The following RHBDL2 variants were observed in gnomAD, a reference collection of about 807,000 sequenced individuals.
RHBDL2 encodes the protein rhomboid-related protein 2.
RHBDL2 carries 26 observed loss-of-function variants against 31.7 expected under a neutral mutation model. The ratio of observed to expected loss-of-function variants is 0.82; its 90% confidence interval spans 0.60 to 1.14. The LOEUF (loss-of-function observed/expected upper bound fraction) is 1.14. Ranked by LOEUF, RHBDL2 falls within the 50% of genes most tolerant of loss-of-function variation. The probability of loss-of-function intolerance (pLI) is 0.00; values close to 1 mark genes in which losing one functional copy is unlikely to be tolerated. For synonymous variants in RHBDL2, 123 were observed against 127.2 expected (o/e 0.97, Z 0.22); for missense variants, 336 against 364.4 (o/e 0.92, Z 0.63).
intron 1 of RHBDL2, among the ~76,000 whole-genome samples, chr1:38,925,423 A>G (rs1643363936): frequency 1.3e-5 from 2 of 151,798 alleles, no homozygotes; most frequent in Non-Finnish European, 2.9e-5. Context: ...TCTTGAACCC[A>G]GGAGGTGGAG....
At chr1:38,934,766 G>T (rs1172934826) in intron 1 of RHBDL2, among the ~76,000 whole-genome samples, 1 of 151,524 alleles carries the variant, frequency 6.6e-6, no homozygotes, top group Non-Finnish European at 1.5e-5. Context: ...GACCAGCCTG[G>T]CCAACACAGT....
chr1:38,902,672 G>A (rs149156948), intron 4 of RHBDL2, among the ~76,000 whole-genome samples: 3,079 of 151,538 alleles, frequency 0.02, 100 homozygotes, highest in African/African-American at 0.071. Context: ...CGCCCACCTC[G>A]GCCTCCCCAA....
chr1:38,909,825 T>G (rs955405027), intron 4 of RHBDL2, among the ~76,000 whole-genome samples: 2 of 152,186 alleles, frequency 1.3e-5, no homozygotes, highest in African/African-American at 4.8e-5. Context: ...ACTGTGCCTT[T>G]GGACATTTAT....
At chr1:38,887,617 G>T (rs1050328464) in intron 7 of RHBDL2, among the ~76,000 whole-genome samples, 1 of 152,030 alleles carries the variant, frequency 6.6e-6, no homozygotes, top group Non-Finnish European at 1.5e-5. Context: ...TAGAGACGGG[G>T]TTTCATCATA....
At chr1:38,920,684 G>A (rs1278299806) in intron 1 of RHBDL2, among the ~76,000 whole-genome samples, 1 of 146,970 alleles carries the variant, frequency 6.8e-6, no homozygotes, top group Non-Finnish European at 1.5e-5. Flanking sequence ...TCGGCTCACT[G>A]CAACCTCCGC....
chr1:38,888,028 G>A lies in RHBDL2; in HGVS notation c.671-4C>T. 3 of 1,610,026 alleles carry A rather than the reference G, an allele frequency of 1.9e-6. No homozygotes were observed. The highest frequency in any genetic ancestry group is 2.5e-6 in the Non-Finnish European group (3 of 1,176,978). ...GCAAATCCCATGTCCAACACAACTA[G>A]AAGGAAAAACACCCTGATAAAGGCT... is the stretch of plus-strand genomic sequence containing the variant. On this transcript the variant is annotated splice_region_variant and splice_polypyrimidine_tract_variant and intron_variant, in intron 6 of 7. Coordinates refer to ENST00000372990, the MANE Select transcript of RHBDL2 (RefSeq NM_017821.5).
chr1:38,925,634 T>G (rs1223644804), intron 1 of RHBDL2, among the ~76,000 whole-genome samples: 1 of 152,196 alleles, frequency 6.6e-6, no homozygotes, highest in Non-Finnish European at 1.5e-5. Context: ...ATCAGGGATC[T>G]TAGACACCAC....
chr1:38,929,280 G>T (rs1015297273), intron 1 of RHBDL2: 2 of 625,170 alleles, frequency 3.2e-6, no homozygotes, highest in Non-Finnish European at 4.9e-6. Context: ...AGAAGATGGG[G>T]CTGGGAATTC....
At chr1:38,915,495 A>T (rs922839367) in intron 3 of RHBDL2, 67 bp downstream of exon 3, 2 of 1,532,922 alleles carry the variant, frequency 1.3e-6, no homozygotes, top group African/African-American at 2.7e-5. Context: ...TAAAGCACTC[A>T]ACAAATGTTA....
intron 1 of RHBDL2, among the ~76,000 whole-genome samples, chr1:38,934,022 T>G (rs1256869135): frequency 6.6e-6 from 1 of 152,104 alleles, no homozygotes; most frequent in Non-Finnish European, 1.5e-5. Context: ...TCCACCGTGC[T>G]GTGTCCACAA....
intron 2 of RHBDL2, among the ~76,000 whole-genome samples, chr1:38,916,478 G>A (rs1643236445): frequency 6.6e-6 from 1 of 152,142 alleles, no homozygotes; most frequent in Admixed American, 6.5e-5. Context: ...CATTAATGGA[G>A]AAACTGGTAA....
intron 4 of RHBDL2, among the ~76,000 whole-genome samples, chr1:38,897,301 C>CGT (rs1642930895): frequency 6.6e-6 from 1 of 152,068 alleles, no homozygotes; most frequent in African/African-American, 2.4e-5. Flanking sequence ...GGGGTTTCAC[C>CGT]ATGTTAGCCA....
At chr1:38,893,854 C>T (rs1263840887) in intron 5 of RHBDL2, among the ~76,000 whole-genome samples, 3 of 152,084 alleles carry the variant, frequency 2.0e-5, no homozygotes, top group African/African-American at 7.2e-5. Flanking sequence ...TTCCTCCTGT[C>T]TCAGACTCCT....
intron 1 of RHBDL2, among the ~76,000 whole-genome samples, chr1:38,938,022 A>T (rs1376079481): frequency 2.0e-5 from 3 of 147,064 alleles, no homozygotes; most frequent in African/African-American, 7.4e-5. Context: ...CTCATTGCTA[A>T]TTTTTTTTTT....
chr1:38,896,902 G>T (rs571379496), intron 4 of RHBDL2, among the ~76,000 whole-genome samples: 6 of 151,876 alleles, frequency 4.0e-5, no homozygotes, highest in Non-Finnish European at 7.4e-5. Flanking sequence ...CCTATTTTGT[G>T]CAAGAAAAAG....
intron 4 of RHBDL2, among the ~76,000 whole-genome samples, chr1:38,898,999 G>T (rs530625367): frequency 3.5e-4 from 53 of 152,256 alleles, no homozygotes; most frequent in Middle Eastern, 3.4e-3. Context: ...CTGCAGAGGG[G>T]CAGGGCTCCA....
intron 2 of RHBDL2, among the ~76,000 whole-genome samples, chr1:38,917,308 C>A (rs1643252113): frequency 6.6e-6 from 1 of 151,962 alleles, no homozygotes; most frequent in Non-Finnish European, 1.5e-5. Flanking sequence ...TGCACCACTG[C>A]GCCCGGCCTA....
At chr1:38,939,777 A>T (rs1170383479) in intron 1 of RHBDL2, among the ~76,000 whole-genome samples, 1 of 152,162 alleles carries the variant, frequency 6.6e-6, no homozygotes, top group East Asian at 1.9e-4. Flanking sequence ...CCTGGACTCA[A>T]GCAATTCTCC....
intron 3 of RHBDL2, among the ~76,000 whole-genome samples, chr1:38,914,737 G>A (rs1025881215): frequency 2.0e-5 from 3 of 151,580 alleles, no homozygotes; most frequent in African/African-American, 7.3e-5. Flanking sequence ...GCAATATAAA[G>A]TATACTGGCC....
Sources: gnomAD v4.1 joint callset for allele counts (sites outside exome capture counted in the v4.1 genomes callset) on GRCh38, gnomAD v4.1.1 for gene constraint, MANE v1.5 for transcripts, NCBI Gene and HGNC (gene_info 2026-07-23, HGNC 2026-07-21) for gene names.